The following STARD9 variants were observed in gnomAD, a reference collection of about 807,000 sequenced individuals.
STARD9 encodes StAR related lipid transfer domain containing 9, also known as stAR-related lipid transfer protein 9.
In STARD9, 346 loss-of-function variants were observed where a neutral mutation model predicts 399.8. That is an observed-to-expected ratio of 0.87 (90% CI 0.79 to 0.95). The LOEUF (loss-of-function observed/expected upper bound fraction) is 0.95, where lower values mean the gene tolerates loss of function less well. Ranked by LOEUF, STARD9 falls within the 40% of genes least tolerant of loss-of-function variation. STARD9 has a pLI of 0.00. For missense variants in STARD9, 5,832 were observed against 5,667.5 expected (o/e 1.03, Z -0.93); for synonymous variants, 2,203 against 2,143.5 (o/e 1.03, Z -0.77).
chr15:42,650,340 T>G (rs970188613), intron 7 of STARD9, among the ~76,000 whole-genome samples: 25 of 152,212 alleles, frequency 1.6e-4, no homozygotes, highest in African/African-American at 5.8e-4. Context: ...ATACAGAGAT[T>G]CTCTGGAACA....
chr15:42,610,400 T>A (rs1261498390), intron 3 of STARD9, among the ~76,000 whole-genome samples: 1 of 152,194 alleles, frequency 6.6e-6, no homozygotes, highest in African/African-American at 2.4e-5. Flanking sequence ...TGGAGATGGG[T>A]TGTTCTCTCA....
At chr15:42,583,523 A>AG (rs2058215535) in intron 2 of STARD9, 108 bp downstream of exon 2, 1 of 749,196 alleles carries the variant, frequency 1.3e-6, no homozygotes, top group Non-Finnish European at 2.2e-6. Context: ...TTGGGGAGGA[A>AG]GGGGTATATA....
intron 22 of STARD9, 92 bp from the exon 23 acceptor site, chr15:42,684,024 G>T: frequency 7.3e-7 from 1 of 1,361,058 alleles, no homozygotes; most frequent in South Asian, 1.5e-5. Context: ...GTCTATAGGA[G>T]ACAGTGACAC....
chr15:42,681,015 A>G (rs768291062), intron 20 of STARD9, among the ~76,000 whole-genome samples: 43 of 152,358 alleles, frequency 2.8e-4, no homozygotes, highest in Non-Finnish European at 5.7e-4. Context: ...TTATGCCCAC[A>G]GTGTTTCTGG....
rs1460148501 is a variant in STARD9, at chr15:42,658,236, C to T, written c.703-2922C>T. ...CATGGCTCACTGCAGCCTCAACCTC[C>T]CGGGCTCAAGTGATCCTCCCACCTC... On this transcript the variant is annotated intron_variant, in intron 9 of 32. Coordinates refer to ENST00000290607, the MANE Select transcript of STARD9 (RefSeq NM_020759.3). 2.6e-5 allele frequency among the ~76,000 whole-genome samples: 4 copies of T among 151,812 alleles called. No homozygotes were observed. The East Asian group carries it at 7.7e-4, about 29-fold the overall frequency.
rs577595003 is a variant in STARD9 at position 42,692,296 on chromosome 15, C to G, written c.10718C>G (p.Thr3573Arg). 1.3e-6 allele frequency: 2 copies of G among 1,537,034 alleles called. No individual in the cohort carries two copies. ...GCCTTAGGAGACCCCCACATCCCGA[C>G]GAGCCCTGAAGGAGTAGCCCCCACT... ...SIALGDPHIP[T>R]SPEGVAPTSG... Residue 3573 changes from threonine (T) to arginine (R), a missense_variant, in exon 23 of 33, where the codon ACG becomes AGG. Around this residue, in one of 2 missense-constraint regions of STARD9, gnomAD observed 5,828 missense variants for 5,651.1 expected, o/e 1.03. Transcript: ENST00000290607.
intron 1 of STARD9, chr15:42,581,087 C>A: frequency 1.5e-6 from 1 of 650,394 alleles, no homozygotes; most frequent in East Asian, 3.1e-5. Flanking sequence ...CACACAGGTA[C>A]CAGTGTTGCT....
Position 42,684,535 on chromosome 15 carries a change from C to T in STARD9, c.2957C>T (p.Thr986Ile). Residue 986 changes from threonine (T) to isoleucine (I), a missense_variant, in exon 23 of 33, where the codon ACA (threonine) becomes ATA (isoleucine). Transcript: ENST00000290607. ...AAGGGACTAGCAGACCCTAGCCACA[C>T]ACAAGCTGGGTGGCGAAAAGAAGGG... ...GAKGLADPSH[T>I]QAGWRKEGNL... is the part of the protein sequence containing the mutation. The T allele has an allele frequency of 3.9e-6, 6 of 1,537,254 alleles. No individual in the cohort carries two copies. The highest frequency in any genetic ancestry group is 5.2e-6 in the Non-Finnish European group (6 of 1,146,916).
At chr15:42,677,089 TAAAAAAAAAAA>T (rs869040683) in intron 20 of STARD9, among the ~76,000 whole-genome samples, 18 of 53,606 alleles carry the variant, frequency 3.4e-4, no homozygotes, top group African/African-American at 1.5e-3. Context: ...CGTCTCTACT[TAAAAAAAAAAA>T]AAAAAAAAAA....
chr15:42,589,177 T>G (rs1284584730), intron 3 of STARD9, among the ~76,000 whole-genome samples: 1 of 152,136 alleles, frequency 6.6e-6, no homozygotes, highest in Non-Finnish European at 1.5e-5. Flanking sequence ...ATAATTTAGA[T>G]ATAGTGAAAG....
Position 42,682,578 on chromosome 15 carries a change from A to G in STARD9, c.2537+3A>G, listed in dbSNP as rs546467339. The G allele has an allele frequency of 5.9e-5, 90 of 1,530,360 alleles. 1 individual carries two copies. In the South Asian group the frequency reaches 9.9e-4, roughly 17 times the overall value. The allele number at this position is 1,530,360 out of a possible 1,614,324, so 94.8% of individuals were successfully genotyped here. A position where few individuals can be genotyped will look rare whatever the true frequency, so the allele number is the denominator to read the frequency against. On this transcript the variant is annotated splice_donor_region_variant and intron_variant, in intron 22 of 32. Transcript: ENST00000290607. Reference sequence around the variant, plus strand: ...AAGCACATGCCCCAGCTACACAGGTACAGCCAGTAGTTGTCACTGGGAAGC... The same window carrying G: ...AAGCACATGCCCCAGCTACACAGGTGCAGCCAGTAGTTGTCACTGGGAAGC...
chr15:42,674,343 C>T (rs773528825), intron 16 of STARD9, 97 bp from the exon 17 acceptor site: 2 of 990,558 alleles, frequency 2.0e-6, no homozygotes, highest in Non-Finnish European at 3.0e-6. Context: ...ACAGATGAGG[C>T]TGGGAAGACA....
intron 3 of STARD9, among the ~76,000 whole-genome samples, chr15:42,624,941 T>C (rs1331637093): frequency 6.6e-6 from 1 of 152,258 alleles, no homozygotes; most frequent in Non-Finnish European, 1.5e-5. Context: ...TTTTCTAATA[T>C]AATTCTTTTA....
chr15:42,596,107 C>T (rs190596735), intron 3 of STARD9, among the ~76,000 whole-genome samples: 16 of 152,226 alleles, frequency 1.1e-4, no homozygotes, highest in Admixed American at 7.8e-4. Flanking sequence ...GGATTTTTCC[C>T]CCTGTAAGAC....
In STARD9 at chr15:42,685,478, G is replaced by GTGAGCTCCAA. The variant is rs760755023; in HGVS notation, c.3900_3901insTGAGCTCCAA (p.Pro1301Ter). On this transcript the variant is annotated stop_gained and frameshift_variant, in exon 23 of 33. Coordinates refer to ENST00000290607, the MANE Select transcript of STARD9 (RefSeq NM_020759.3). LOFTEE classifies it high-confidence loss of function. ...AGCTCCAACCCCATTGTGAGCTCCAGCCCCATTGTGAGCAGGCTGAATCAC... is the reference window on the plus strand; with the variant it reads ...AGCTCCAACCCCATTGTGAGCTCCAGTGAGCTCCAACCCCATTGTGAGCAGGCTGAATCAC... 1,972 of 1,535,426 alleles carry GTGAGCTCCAA rather than the reference G, an allele frequency of 1.3e-3. 6 individuals carry two copies. Among genetic ancestry groups the GTGAGCTCCAA allele is most frequent in the Middle Eastern group, 3.5e-3 (21 of 5,974 alleles).
Position 42,690,316 on chromosome 15 carries a change from G to T in STARD9, c.8738G>T (p.Gly2913Val), listed in dbSNP as rs781090012. ...QRPSANPGGI[G>V]EEAPCRHPRE... ...CCAAGCGCAAATCCTGGGGGAATTG[G>T]GGAGGAAGCCCCATGTAGACACCCA... Residue 2913 changes from glycine to valine, a missense_variant, in exon 23 of 33, where the codon GGG becomes GTG. Coordinates refer to ENST00000290607, the MANE Select transcript of STARD9 (RefSeq NM_020759.3). 31 of 1,537,124 alleles carry T rather than the reference G, an allele frequency of 2.0e-5. No homozygotes were observed. In the South Asian group the frequency reaches 3.7e-4, roughly 18 times the overall value.
chr15:42,586,781 T>C (rs1021299001), intron 3 of STARD9, among the ~76,000 whole-genome samples: 10 of 152,148 alleles, frequency 6.6e-5, no homozygotes, highest in Non-Finnish European at 1.5e-5. Context: ...GGATTCTATA[T>C]AACTTTGAAT....
chr15:42,666,180 G>A (rs977326471), intron 15 of STARD9, among the ~76,000 whole-genome samples: 4 of 152,204 alleles, frequency 2.6e-5, no homozygotes, highest in African/African-American at 4.8e-5. Context: ...GCATGATGCT[G>A]CAAGAGGTAC....
Position 42,669,144 on chromosome 15 carries a change from C to T in STARD9, c.1318-14C>T, listed in dbSNP as rs1389511319. 6 of 1,525,492 alleles carry T rather than the reference C, an allele frequency of 3.9e-6. No homozygotes were observed. Among genetic ancestry groups the T allele is most frequent in the Non-Finnish European group, 5.3e-6 (6 of 1,137,430 alleles). 94.5% of individuals were successfully genotyped at this position (1,525,492 alleles called of 1,614,324 possible). On this transcript the variant is annotated splice_polypyrimidine_tract_variant and intron_variant, in intron 15 of 32. Coordinates refer to ENST00000290607, the MANE Select transcript of STARD9 (RefSeq NM_020759.3). ...CATGCTGAGTGTCTCAGATCACCTC[C>T]TATACCTCTGCAGATAGACCAGCTG... is the stretch of plus-strand genomic sequence containing the variant.
Sources: allele counts gnomAD v4.1 joint callset (sites outside exome capture counted in the v4.1 genomes callset), GRCh38; gene constraint gnomAD v4.1.1; regional missense constraint gnomAD v4.1.1; transcripts MANE v1.5; gene names NCBI Gene and HGNC (gene_info 2026-07-23, HGNC 2026-07-21).